MCTP1: variants seen among roughly 807,000 people sequenced by gnomAD.
MCTP1 encodes the protein multiple C2 and transmembrane domain-containing protein 1.
In MCTP1, 69 loss-of-function variants were observed where a neutral mutation model predicts 120.6. The observed-to-expected ratio is 0.57, with a 90% CI of 0.47 to 0.70. The LOEUF (loss-of-function observed/expected upper bound fraction) is 0.70. Among genes scored for constraint, MCTP1 ranks in the 30% least tolerant of loss-of-function variants. The probability of loss-of-function intolerance (pLI) is 0.00; values close to 1 mark genes in which losing one functional copy is unlikely to be tolerated. For missense variants in MCTP1, 1,203 were observed against 1,248.8 expected (o/e 0.96, Z 0.55); for synonymous variants, 529 against 493.1 (o/e 1.07, Z -0.96).
chr5:95,276,814 T>C (rs1010659383), intron 1 of MCTP1, among the ~76,000 whole-genome samples: 1 of 151,576 alleles, frequency 6.6e-6, no homozygotes, highest in African/African-American at 2.4e-5. Context: ...TAGCCGGGCA[T>C]GGTGGCGGGC....
chr5:94,843,933 T>C (rs1014406653), intron 17 of MCTP1, among the ~76,000 whole-genome samples: 1 of 152,198 alleles, frequency 6.6e-6, no homozygotes, highest in African/African-American at 2.4e-5. Context: ...GCTATGTCTC[T>C]AAATGTTCCA....
intron 19 of MCTP1, among the ~76,000 whole-genome samples, chr5:94,770,174 C>T (rs1773733665): frequency 6.6e-6 from 1 of 152,190 alleles, no homozygotes; most frequent in Non-Finnish European, 1.5e-5. Context: ...GGTTCTGCTG[C>T]TTTGGTGAAG....
intron 1 of MCTP1, among the ~76,000 whole-genome samples, chr5:95,118,790 A>G (rs958428882): frequency 5.9e-5 from 9 of 152,318 alleles, no homozygotes; most frequent in African/African-American, 1.9e-4. Flanking sequence ...AGAGACAAAG[A>G]AAATCACTAG....
intron 1 of MCTP1, among the ~76,000 whole-genome samples, chr5:95,157,246 T>A (rs536971308): frequency 7.2e-5 from 11 of 152,272 alleles, no homozygotes; most frequent in Admixed American, 2.6e-4. Flanking sequence ...TATCAACCAA[T>A]TGTCCAGCAA....
Position 95,183,373 on chromosome 5 carries a change from C to T in MCTP1, c.720+100483G>A, listed in dbSNP as rs1748834472. On this transcript the variant is annotated intron_variant, in intron 1 of 22. Coordinates refer to ENST00000515393, the MANE Select transcript of MCTP1 (RefSeq NM_024717.7). ...AAATTTTACAGCCATGGAGTAGGTT[C>T]ATTTATTAATTTAAAATAAATATAA... Among the ~76,000 whole-genome samples the T allele has an allele frequency of 2.0e-5, 3 of 151,166 alleles. No individual in the cohort carries two copies. The South Asian group carries it at 6.2e-4, about 31-fold the overall frequency.
chr5:95,130,972 G>C (rs895600285), intron 1 of MCTP1, among the ~76,000 whole-genome samples: 1 of 151,914 alleles, frequency 6.6e-6, no homozygotes, highest in African/African-American at 2.4e-5. Context: ...GAAAATTCCG[G>C]GACACGTTTT....
intron 12 of MCTP1, among the ~76,000 whole-genome samples, chr5:94,876,136 T>C (rs1392265834): frequency 1.3e-5 from 2 of 152,192 alleles, no homozygotes; most frequent in African/African-American, 4.8e-5. Flanking sequence ...TTAATATGCT[T>C]ATCTGGTTTG....
intron 2 of MCTP1, among the ~76,000 whole-genome samples, chr5:94,955,449 C>T (rs187579819): frequency 6.6e-6 from 1 of 152,258 alleles, no homozygotes; most frequent in East Asian, 1.9e-4. Flanking sequence ...GGGCTAAAGC[C>T]AGGTTGCCGA....
At chr5:94,934,784 A>G (rs567472086) in intron 5 of MCTP1, among the ~76,000 whole-genome samples, 1 of 140,110 alleles carries the variant, frequency 7.1e-6, no homozygotes, top group Non-Finnish European at 1.5e-5. Flanking sequence ...GAGATCATTC[A>G]TATGTTTCTT....
intron 19 of MCTP1, among the ~76,000 whole-genome samples, chr5:94,735,154 T>G (rs1471344159): frequency 6.6e-6 from 1 of 152,318 alleles, no homozygotes; most frequent in East Asian, 1.9e-4. Context: ...TTGTACAGTT[T>G]CCACTCCCAC....
chr5:94,735,579 C>T (rs923662725), intron 19 of MCTP1, among the ~76,000 whole-genome samples: 3 of 152,048 alleles, frequency 2.0e-5, no homozygotes, highest in African/African-American at 7.2e-5. Flanking sequence ...GTTGGGCCTA[C>T]ATTATGTTTC....
chr5:95,140,179 C>G (rs1759788899), intron 1 of MCTP1, among the ~76,000 whole-genome samples: 1 of 152,208 alleles, frequency 6.6e-6, no homozygotes. Context: ...ATCATTCACT[C>G]TCTCTTCAAA....
At chr5:94,837,094 G>A (rs1218132437) in intron 17 of MCTP1, among the ~76,000 whole-genome samples, 5 of 152,074 alleles carry the variant, frequency 3.3e-5, no homozygotes, top group African/African-American at 1.2e-4. Context: ...AGAACACAGG[G>A]AGGCCCTGTG....
intron 1 of MCTP1, among the ~76,000 whole-genome samples, chr5:95,030,917 C>T (rs1378690220): frequency 6.6e-6 from 1 of 150,838 alleles, no homozygotes; most frequent in Admixed American, 6.6e-5. Flanking sequence ...ACAAAGAAGC[C>T]AGAAAAACAA....
At chr5:95,208,916 T>C (rs1039741429) in intron 1 of MCTP1, among the ~76,000 whole-genome samples, 1 of 152,110 alleles carries the variant, frequency 6.6e-6, no homozygotes, top group Non-Finnish European at 1.5e-5. Context: ...CTATTTACCA[T>C]TCCTTCCTTC....
intron 1 of MCTP1, among the ~76,000 whole-genome samples, chr5:95,168,110 A>G (rs549306119): frequency 2.0e-5 from 3 of 152,360 alleles, no homozygotes; most frequent in East Asian, 3.9e-4. Context: ...AGCTTTCTAC[A>G]TATGGCTAGC....
chr5:95,144,870 G>T (rs1327018844), intron 1 of MCTP1, among the ~76,000 whole-genome samples: 1 of 151,800 alleles, frequency 6.6e-6, no homozygotes, highest in African/African-American at 2.4e-5. Flanking sequence ...TCTTACTTAG[G>T]GTTATTTTGG....
chr5:94,821,604 A>C (rs1785668467), intron 17 of MCTP1, among the ~76,000 whole-genome samples: 1 of 152,212 alleles, frequency 6.6e-6, no homozygotes, highest in Non-Finnish European at 1.5e-5. Context: ...ACAAATAAAA[A>C]GCCTACACTT....
At chr5:95,168,494 C>T (rs531904604) in intron 1 of MCTP1, among the ~76,000 whole-genome samples, 2 of 152,246 alleles carry the variant, frequency 1.3e-5, no homozygotes, top group African/African-American at 4.8e-5. Flanking sequence ...GGCAGTATGG[C>T]CATTTTCACG....
Sources: allele counts gnomAD v4.1 joint callset (sites outside exome capture counted in the v4.1 genomes callset), GRCh38; gene constraint gnomAD v4.1.1; transcripts MANE v1.5; gene names NCBI Gene and HGNC (gene_info 2026-07-23, HGNC 2026-07-21).